The following GOT1 variants were observed in gnomAD, a reference collection of about 807,000 sequenced individuals.
The protein encoded by GOT1 is aspartate aminotransferase, cytoplasmic.
A neutral mutation model predicts 48.2 loss-of-function variants in GOT1; 25 were observed. The observed-to-expected ratio is 0.52, with a 90% CI of 0.38 to 0.72. The LOEUF (loss-of-function observed/expected upper bound fraction) is 0.72, where lower values mean the gene tolerates loss of function less well. Among genes scored for constraint, GOT1 ranks in the 30% least tolerant of loss-of-function variants. The pLI is 0.00. For missense variants in GOT1, 380 were observed against 520.1 expected (o/e 0.73, Z 2.62); for synonymous variants, 188 against 193.8 (o/e 0.97, Z 0.25).
At chr10:99,406,966 G>A (rs910668758) in intron 2 of GOT1, 117 bp from the exon 3 acceptor site, 8 of 911,090 alleles carry the variant, frequency 8.8e-6, no homozygotes, top group Admixed American at 2.3e-5. Context: ...GCTTTTAATT[G>A]TATTATCTCA....
At chr10:99,423,394 T>C (rs2032996622) in intron 1 of GOT1, among the ~76,000 whole-genome samples, 1 of 152,222 alleles carries the variant, frequency 6.6e-6, no homozygotes, top group Admixed American at 6.5e-5. Context: ...AGGAAAAATA[T>C]CTAAATGTTA....
intron 1 of GOT1, among the ~76,000 whole-genome samples, chr10:99,427,106 A>G (rs1247539632): frequency 6.6e-6 from 1 of 152,206 alleles, no homozygotes; most frequent in African/African-American, 2.4e-5. Context: ...ACACTTATAT[A>G]TGACACTTTT....
chr10:99,425,417 G>A lies in GOT1; in HGVS notation c.119-4612C>T, dbSNP rs1054008215. On this transcript the variant is annotated intron_variant, in intron 1 of 8. Coordinates refer to ENST00000370508, the MANE Select transcript of GOT1 (RefSeq NM_002079.3). ...CATGAGCAGCTGCACATTTTAATGGGATCATTTGAGTGACACCACAGAAAA... is the reference window on the plus strand; with the variant it reads ...CATGAGCAGCTGCACATTTTAATGGAATCATTTGAGTGACACCACAGAAAA... Among the ~76,000 whole-genome samples, 3 of 152,190 alleles carry A rather than the reference G, an allele frequency of 2.0e-5. No homozygotes were observed. The South Asian group carries it at 6.2e-4, about 31-fold the overall frequency.
chr10:99,413,310 C>T (rs1168226294), intron 2 of GOT1, among the ~76,000 whole-genome samples: 3 of 151,976 alleles, frequency 2.0e-5, no homozygotes, highest in African/African-American at 7.3e-5. Flanking sequence ...CTTCAGTAGC[C>T]GATTCGATCA....
intron 1 of GOT1, among the ~76,000 whole-genome samples, chr10:99,425,776 G>A (rs1483818638): frequency 1.3e-5 from 2 of 152,078 alleles, no homozygotes; most frequent in African/African-American, 4.8e-5. Context: ...CAAGGGGAAG[G>A]TGGAAATGAT....
At chr10:99,398,787 T>C (rs2032632196) in intron 8 of GOT1, among the ~76,000 whole-genome samples, 1 of 152,194 alleles carries the variant, frequency 6.6e-6, no homozygotes, top group Non-Finnish European at 1.5e-5. Context: ...GTAAACACTA[T>C]GTGCCAGGCA....
At chr10:99,412,083 G>T (rs535514399) in intron 2 of GOT1, among the ~76,000 whole-genome samples, 1 of 152,232 alleles carries the variant, frequency 6.6e-6, no homozygotes, top group Non-Finnish European at 1.5e-5. Context: ...TTAGAGGTGG[G>T]GACTGGACAG....
In GOT1 at chr10:99,408,154, T is replaced by C. The variant is rs540412128; in HGVS notation, c.301-1305A>G. Among the ~76,000 whole-genome samples the C allele has an allele frequency of 3.9e-4, 59 of 152,294 alleles. 1 individual carries two copies. The highest frequency in any genetic ancestry group is 2.4e-3 in the Admixed American group (37 of 15,292). ...CCTCTAAAGTCAAGTCTATATCCCCTGAAACATGAGGAACTGATTCAGAGA... is the reference window on the plus strand; with the variant it reads ...CCTCTAAAGTCAAGTCTATATCCCCCGAAACATGAGGAACTGATTCAGAGA... On this transcript the variant is annotated intron_variant, in intron 2 of 8. Coordinates refer to ENST00000370508, the MANE Select transcript of GOT1 (RefSeq NM_002079.3).
At chr10:99,423,096 A>G (rs1375314166) in intron 1 of GOT1, among the ~76,000 whole-genome samples, 2 of 152,230 alleles carry the variant, frequency 1.3e-5, no homozygotes, top group East Asian at 3.8e-4. Flanking sequence ...AATTATATCA[A>G]TTTACATTCC....
rs143219290 is a variant in GOT1, at chr10:99,403,227, G to C, written c.959+242C>G. Among the ~76,000 whole-genome samples the C allele has an allele frequency of 2.6e-3, 395 of 152,106 alleles. 1 individual carries two copies. Among genetic ancestry groups the C allele is most frequent in the Non-Finnish European group, 4.5e-3 (306 of 67,962 alleles). On this transcript the variant is annotated intron_variant, in intron 7 of 8. Transcript: ENST00000370508. ...ACTTCATGGAGAGGAAGACTGGGTG[G>C]GGGGGGAAATTGGGGAAAACTACCA...
At chr10:99,398,456 G>C (rs761503987) in intron 8 of GOT1, among the ~76,000 whole-genome samples, 1 of 152,136 alleles carries the variant, frequency 6.6e-6, no homozygotes, top group Non-Finnish European at 1.5e-5. Flanking sequence ...GATTACCTGA[G>C]GTCAGAAGTT....
rs115694201 is a variant in GOT1, at chr10:99,398,298, A to G, written c.1103-612T>C. On this transcript the variant is annotated intron_variant, in intron 8 of 8. Transcript: ENST00000370508. Reference sequence around the variant, plus strand: ...TTTCAGAAATGCATCACATGTGGGTAAGAAGAGACTACCTGTACTTCCTTT... The same window carrying G: ...TTTCAGAAATGCATCACATGTGGGTGAGAAGAGACTACCTGTACTTCCTTT... Among the ~76,000 whole-genome samples the G allele has an allele frequency of 5.3e-3, 802 of 152,370 alleles. 9 individuals carry two copies. Among genetic ancestry groups the G allele is most frequent in the African/African-American group, 0.018 (753 of 41,586 alleles).
chr10:99,424,432 C>G (rs752532223), intron 1 of GOT1, among the ~76,000 whole-genome samples: 15 of 152,048 alleles, frequency 9.9e-5, no homozygotes, highest in Non-Finnish European at 2.1e-4. Context: ...ATTTGAACTA[C>G]CTACAAAGGA....
At position 99,414,456 on chromosome 10, in the gene GOT1, T is replaced by G. The variant is rs2032867998; in HGVS notation, c.300+6168A>C. On this transcript the variant is annotated intron_variant, in intron 2 of 8. Coordinates refer to ENST00000370508, the MANE Select transcript of GOT1 (RefSeq NM_002079.3). Reference sequence around the variant, plus strand: ...TTCATAAAGCAAGTCCTTAGGGACCTACAAAGGGACTGAGACTCCCATACA... The same window carrying G: ...TTCATAAAGCAAGTCCTTAGGGACCGACAAAGGGACTGAGACTCCCATACA... 4.6e-5 allele frequency among the ~76,000 whole-genome samples: 7 copies of G among 152,256 alleles called. No individual in the cohort carries two copies. In the South Asian group the frequency reaches 1.5e-3, roughly 32 times the overall value.
chr10:99,419,267 T>C (rs964619553), intron 2 of GOT1, among the ~76,000 whole-genome samples: 2 of 152,234 alleles, frequency 1.3e-5, no homozygotes, highest in Admixed American at 6.5e-5. Context: ...TGGTTTAAAC[T>C]GTGCAATTCC....
At position 99,425,443 on chromosome 10, in the gene GOT1, T is replaced by G. The variant is rs192556914; in HGVS notation, c.119-4638A>C. 1.5e-3 allele frequency among the ~76,000 whole-genome samples: 223 copies of G among 152,020 alleles called. 5 individuals carry two copies. Among genetic ancestry groups the G allele is most frequent in the Admixed American group, 1.7e-3 (26 of 15,262 alleles). ...ATCATTTGAGTGACACCACAGAAAA[T>G]AAACCAGAGAGAAGGACAGAGACAG... On this transcript the variant is annotated intron_variant, in intron 1 of 8. Transcript: ENST00000370508.
At chr10:99,401,832 G>A in intron 8 of GOT1, among the ~76,000 whole-genome samples, 1 of 151,046 alleles carries the variant, frequency 6.6e-6, no homozygotes, top group South Asian at 2.1e-4. Flanking sequence ...TTTTGAGACG[G>A]AGTCTCGCTC....
chr10:99,403,784 C>A lies in GOT1; in HGVS notation c.733G>T (p.Val245Leu). Reference protein sequence around the residue: ...ERDAWAIRYFVSEGFEFFCAQ... With the variant: ...ERDAWAIRYFLSEGFEFFCAQ... The stretch of plus-strand genomic sequence containing the variant: ...CAGAAGAACTCGAAGCCTTCAGACA[C>A]AAAATAGCGAATGGCCCAGGCATCT... Residue 245 changes from valine (V) to leucine (L), a missense_variant, in exon 6 of 9, where the codon GTG becomes TTG. Coordinates refer to ENST00000370508, the MANE Select transcript of GOT1 (RefSeq NM_002079.3). 1 of 1,614,146 alleles carries A rather than the reference C, an allele frequency of 6.2e-7. No individual in the cohort carries two copies. Among genetic ancestry groups the A allele is most frequent in the Non-Finnish European group, 8.5e-7 (1 of 1,180,020 alleles).
rs550243446 is a variant in GOT1 at position 99,420,234 on chromosome 10, C to A, written c.300+390G>T. ...AGTGCTCCTCATGGGATCACAGACT[C>A]GCACTATGTGGTCTTTTTCTAACAT... On this transcript the variant is annotated intron_variant, in intron 2 of 8. Transcript: ENST00000370508. 263 of 167,586 alleles carry A rather than the reference C, an allele frequency of 1.6e-3. 4 individuals are homozygous for A. Among genetic ancestry groups the A allele is most frequent in the Middle Eastern group, 8.8e-3 (3 of 340 alleles). The allele number at this position is 167,586 out of a possible 1,614,324, so 10.4% of individuals were successfully genotyped here. A position where few individuals can be genotyped will look rare whatever the true frequency, so the allele number is the denominator to read the frequency against.
Sources: gnomAD v4.1 joint callset for allele counts (sites outside exome capture counted in the v4.1 genomes callset) on GRCh38, gnomAD v4.1.1 for gene constraint, MANE v1.5 for transcripts, NCBI Gene and HGNC (gene_info 2026-07-23, HGNC 2026-07-21) for gene names.